Variants in PRKCA observed in about 807,000 individuals in gnomAD.
PRKCA encodes the protein protein kinase C alpha type.
A neutral mutation model predicts 87.0 loss-of-function variants in PRKCA; 27 were observed. The ratio of observed to expected loss-of-function variants is 0.31; its 90% CI spans 0.23 to 0.43. PRKCA has a LOEUF of 0.43. Ranked by LOEUF, PRKCA falls within the 20% of genes least tolerant of loss-of-function variation. The pLI is 1.00. For synonymous variants in PRKCA, 329 were observed against 311.1 expected (o/e 1.06, Z -0.61); for missense variants, 518 against 852.3 (o/e 0.61, Z 4.88).
At chr17:66,606,026 C>T (rs1966840269) in intron 3 of PRKCA, among the ~76,000 whole-genome samples, 1 of 152,090 alleles carries the variant, frequency 6.6e-6, no homozygotes, top group African/African-American at 2.4e-5. Flanking sequence ...TATTAAAAAC[C>T]ATCGAACTGT....
chr17:66,497,581 T>C (rs1288855614), intron 3 of PRKCA, among the ~76,000 whole-genome samples: 1 of 151,998 alleles, frequency 6.6e-6, no homozygotes, highest in African/African-American at 2.4e-5. Context: ...TCAGCTGTTA[T>C]ATGAAAAGTA....
At chr17:66,554,628 G>T (rs1178940067) in intron 3 of PRKCA, 4 of 755,122 alleles carry the variant, frequency 5.3e-6, no homozygotes, top group East Asian at 1.3e-4. Context: ...TTGGTGGGGG[G>T]CACTAGCAAA....
chr17:66,587,478 A>G (rs1969630959), intron 3 of PRKCA, among the ~76,000 whole-genome samples: 1 of 151,968 alleles, frequency 6.6e-6, no homozygotes, highest in Non-Finnish European at 1.5e-5. Context: ...TAGTTCATTC[A>G]TTTTACTTGT....
intron 5 of PRKCA, among the ~76,000 whole-genome samples, chr17:66,670,550 G>A (rs1972151411): frequency 6.6e-6 from 1 of 152,178 alleles, no homozygotes; most frequent in Admixed American, 6.5e-5. Flanking sequence ...ATAGTCAGCA[G>A]TAGAATTTAA....
In PRKCA at chr17:66,336,609, T is replaced by G. The variant is rs558900146; in HGVS notation, c.205+30482T>G. 5.5e-3 allele frequency among the ~76,000 whole-genome samples: 519 copies of G among 93,880 alleles called. 1 individual carries two copies. Among genetic ancestry groups the G allele is most frequent in the Non-Finnish European group, 0.012 (404 of 34,910 alleles). The allele number at this position is 93,880 out of a possible 152,430, so 61.6% of individuals were successfully genotyped here. The stretch of plus-strand genomic sequence containing the variant: ...TTGGCTTAAGTTTTTTTGGTGGTGG[T>G]GGGGGAGTAATTTAAAAGTACCTGT... On this transcript the variant is annotated intron_variant, in intron 2 of 16. Transcript: ENST00000413366.
chr17:66,362,847 G>A (rs571074489), intron 2 of PRKCA, among the ~76,000 whole-genome samples: 7 of 152,012 alleles, frequency 4.6e-5, no homozygotes, highest in South Asian at 4.2e-4. Flanking sequence ...GGCATGTGCC[G>A]CCATGCCAGG....
At chr17:66,785,166 G>A (rs568304429) in intron 14 of PRKCA, among the ~76,000 whole-genome samples, 1 of 152,072 alleles carries the variant, frequency 6.6e-6, no homozygotes, top group Non-Finnish European at 1.5e-5. Flanking sequence ...TTCCCTCAGG[G>A]CACGTGGCTC....
intron 16 of PRKCA, among the ~76,000 whole-genome samples, chr17:66,801,089 T>C (rs1975888263): frequency 1.3e-5 from 2 of 152,218 alleles, no homozygotes; most frequent in African/African-American, 2.4e-5. Context: ...CCAAATGCTT[T>C]TGCCTTGTGA....
chr17:66,470,884 G>C (rs565082245), intron 2 of PRKCA, among the ~76,000 whole-genome samples: 1 of 152,290 alleles, frequency 6.6e-6, no homozygotes, highest in African/African-American at 2.4e-5. Flanking sequence ...ACGACAACTA[G>C]CATCTCCAAC....
intron 8 of PRKCA, among the ~76,000 whole-genome samples, chr17:66,727,423 G>A (rs1469071805): frequency 2.0e-5 from 3 of 152,022 alleles, no homozygotes; most frequent in East Asian, 1.9e-4. Context: ...TTCCTGGAAC[G>A]GCCGTGGCAC....
chr17:66,639,143 GC>G (rs1387695951), intron 3 of PRKCA: 1 of 152,252 alleles, frequency 6.6e-6, no homozygotes, highest in Non-Finnish European at 1.5e-5. Context: ...TCAGTGGATG[GC>G]CACTCTGCCT....
intron 2 of PRKCA, chr17:66,415,514 AGCACGGTAG>A (rs1202103503): frequency 1.3e-5 from 2 of 152,214 alleles, no homozygotes; most frequent in African/African-American, 4.8e-5. Flanking sequence ...TTCATTCAGG[AGCACGGTAG>A]GCAGAGGCCA....
intron 3 of PRKCA, among the ~76,000 whole-genome samples, chr17:66,557,924 T>A (rs1425759099): frequency 6.6e-6 from 1 of 152,188 alleles, no homozygotes; most frequent in East Asian, 1.9e-4. Flanking sequence ...CAGGCCCCAG[T>A]TCTGCACAGG....
intron 2 of PRKCA, among the ~76,000 whole-genome samples, chr17:66,428,781 G>T (rs1336510967): frequency 6.6e-6 from 1 of 152,114 alleles, no homozygotes; most frequent in Admixed American, 6.5e-5. Context: ...CGGGATTATA[G>T]GTGTGAGCCA....
At chr17:66,536,326 A>T (rs1217242968) in intron 3 of PRKCA, among the ~76,000 whole-genome samples, 1 of 152,236 alleles carries the variant, frequency 6.6e-6, no homozygotes, top group Non-Finnish European at 1.5e-5. Context: ...CTGAATGCAG[A>T]TGTCTGACTT....
In PRKCA at chr17:66,430,650, T is replaced by TA. The variant is rs1913055015; in HGVS notation, c.206-65550dup. ...GAAACCCTTACAGATCTTCCTCCATTAGTGCTTGATTTTCATTCATGGTGC... is the reference window on the plus strand; with the variant it reads ...GAAACCCTTACAGATCTTCCTCCATTAAGTGCTTGATTTTCATTCATGGTGC... On this transcript the variant is annotated intron_variant, in intron 2 of 16. Transcript: ENST00000413366. 2.0e-5 allele frequency among the ~76,000 whole-genome samples: 3 copies of TA among 151,978 alleles called. No homozygotes were observed. In the South Asian group the frequency reaches 6.2e-4, roughly 32 times the overall value.
chr17:66,591,500 C>T (rs552474020), intron 3 of PRKCA, among the ~76,000 whole-genome samples: 1 of 152,186 alleles, frequency 6.6e-6, no homozygotes, highest in South Asian at 2.1e-4. Context: ...ACTGTTAGAA[C>T]AGAAAAAGAA....
chr17:66,502,496 A>G (rs1011780144), intron 3 of PRKCA, among the ~76,000 whole-genome samples: 1 of 151,910 alleles, frequency 6.6e-6, no homozygotes, highest in African/African-American at 2.4e-5. Context: ...AGGCCTCCCA[A>G]AGTGCTGGGA....
intron 14 of PRKCA, chr17:66,775,108 A>C: frequency 1.0e-6 from 1 of 985,238 alleles, no homozygotes; most frequent in Non-Finnish European, 1.2e-6. Flanking sequence ...GAAATCTGAG[A>C]CCCTACAAGA....
Sources: gnomAD v4.1 joint callset for allele counts (sites outside exome capture counted in the v4.1 genomes callset) on GRCh38, gnomAD v4.1.1 for gene constraint, MANE v1.5 for transcripts, NCBI Gene and HGNC (gene_info 2026-07-23, HGNC 2026-07-21) for gene names.